RP1: variants seen among roughly 807,000 people sequenced by gnomAD.
The protein encoded by RP1 is RP1 axonemal microtubule associated.
A neutral mutation model predicts 14.8 loss-of-function variants in RP1; 16 were observed. That is an observed-to-expected ratio of 1.08 (90% confidence interval 0.73 to 1.65). The LOEUF (loss-of-function observed/expected upper bound fraction) is 1.65. Among genes scored for constraint, RP1 ranks in the 40% most tolerant of loss-of-function variants. The pLI, the probability that RP1 is intolerant of heterozygous loss-of-function variation, is 0.00. For missense variants in RP1, 2,631 were observed against 2,535.0 expected (o/e 1.04, Z -0.81); for synonymous variants, 876 against 883.6 (o/e 0.99, Z 0.15).
At chr8:54,839,817 G>A (rs144678855) in intron 25 of RP1, among the ~76,000 whole-genome samples, 116 of 152,296 alleles carry the variant, frequency 7.6e-4, no homozygotes, top group Middle Eastern at 3.4e-3. Context: ...AAGATTTGGG[G>A]TAAGTCCTGC....
chr8:54,742,721 G>C (rs563853198), intron 19 of RP1, among the ~76,000 whole-genome samples: 2 of 152,288 alleles, frequency 1.3e-5, no homozygotes, highest in African/African-American at 4.8e-5. Context: ...GAAGCTCTGT[G>C]CCTGTGAATT....
chr8:54,624,637 T>A, intron 3 of RP1, 33 bp from the exon 4 acceptor site: 4 of 1,610,338 alleles, frequency 2.5e-6, no homozygotes, highest in Non-Finnish European at 3.4e-6. Flanking sequence ...TATATTTTGA[T>A]GTGGGCACCT....
rs112564527 is a variant in RP1, at chr8:54,629,487, C to T, written c.5605C>T (p.His1869Tyr). 22 of 1,614,006 alleles carry T rather than the reference C, an allele frequency of 1.4e-5. 2 individuals carry two copies. The highest frequency in any genetic ancestry group is 1.6e-4 in the Middle Eastern group (1 of 6,084). ...AGAAAGAGTATGCACATCTGTCACT[C>T]ATTCCTTTATTTCTGCTGGTAACAA... ...QSERVCTSVT[H>Y]SFISAGNKVY... The change falls in exon 4 of 4, where the codon CAT (histidine) becomes TAT (tyrosine). Residue 1869 changes from histidine to tyrosine, a missense_variant. His to Tyr is a moderately conservative substitution (Grantham distance 83). Coordinates refer to ENST00000220676, the MANE Select transcript of RP1 (RefSeq NM_006269.2).
intron 6 of RP1, among the ~76,000 whole-genome samples, chr8:54,656,561 C>G (rs1407554709): frequency 6.6e-6 from 1 of 151,828 alleles, no homozygotes; most frequent in South Asian, 2.1e-4. Flanking sequence ...TCCCACTGGG[C>G]TCTGCCTCAT....
At chr8:54,608,628 G>A (rs992106961) in intron 1 of RP1, among the ~76,000 whole-genome samples, 2 of 152,068 alleles carry the variant, frequency 1.3e-5, no homozygotes, top group African/African-American at 4.8e-5. Context: ...AAACCACCAA[G>A]GCACACATTT....
chr8:54,726,613 A>G (rs1200547088), intron 17 of RP1: 23 of 813,152 alleles, frequency 2.8e-5, no homozygotes, highest in Admixed American at 1.6e-4. Context: ...GTAAGCTGTT[A>G]TCTTGCTTTT....
chr8:54,732,347 A>G (rs1808812630), intron 17 of RP1, among the ~76,000 whole-genome samples: 1 of 152,062 alleles, frequency 6.6e-6, no homozygotes, highest in African/African-American at 2.4e-5. Flanking sequence ...TTTGTTTTCC[A>G]TGAAGGTATT....
At position 54,625,542 on chromosome 8, in the gene RP1, A is replaced by G. The variant is rs761252743; in HGVS notation, c.1660A>G (p.Ser554Gly). 6.2e-7 allele frequency: 1 copy of G among 1,614,076 alleles called. No homozygotes were observed. The change falls in exon 4 of 4, where the codon AGT becomes GGT. Residue 554 changes from serine (S) to glycine (G), a missense_variant. Ser to Gly is a moderately conservative substitution (Grantham distance 56). Coordinates refer to ENST00000220676, the MANE Select transcript of RP1 (RefSeq NM_006269.2). ...AISAGVIEIT[S>G]QKMLEMSHNN... The stretch of plus-strand genomic sequence containing the variant: ...AAGTGCTGGTGTTATAGAAATTACA[A>G]GTCAGAAGATGTTAGAGATGTCACA...
At chr8:54,653,043 G>A (rs185004323) in intron 5 of RP1, among the ~76,000 whole-genome samples, 2 of 152,182 alleles carry the variant, frequency 1.3e-5, no homozygotes, top group East Asian at 3.9e-4. Flanking sequence ...AATTGATTGA[G>A]GGAGGCACCT....
exon 20 of RP1, chr8:54,754,844 T>C: frequency 6.5e-7 from 1 of 1,528,964 alleles, no homozygotes; most frequent in Non-Finnish European, 8.7e-7. Context: ...TCCTAGATTT[T>C]GCAGCAAACG....
chr8:54,802,209 A>C (rs959930984), intron 24 of RP1, among the ~76,000 whole-genome samples: 4 of 152,186 alleles, frequency 2.6e-5, no homozygotes, highest in African/African-American at 4.8e-5. Flanking sequence ...AGACATATTT[A>C]AGAAAGACCT....
chr8:54,573,393 T>C (rs1461246519), intron 1 of RP1, among the ~76,000 whole-genome samples: 1 of 152,190 alleles, frequency 6.6e-6, no homozygotes, highest in Non-Finnish European at 1.5e-5. Context: ...ATTGTTAGTG[T>C]TTAGTCTCAT....
intron 28 of RP1, chr8:54,865,984 C>A: frequency 3.1e-6 from 2 of 637,008 alleles, no homozygotes; most frequent in Non-Finnish European, 4.5e-6. Context: ...CCTGTGTCCT[C>A]CAGCATGCCT....
At chr8:54,848,168 C>A (rs572668383) in intron 25 of RP1, among the ~76,000 whole-genome samples, 1 of 152,280 alleles carries the variant, frequency 6.6e-6, no homozygotes, top group South Asian at 2.1e-4. Flanking sequence ...GTGCAGGCAT[C>A]CTTGGCAGTC....
At chr8:54,792,457 A>G (rs538690772) in intron 24 of RP1, among the ~76,000 whole-genome samples, 110 of 151,922 alleles carry the variant, frequency 7.2e-4, no homozygotes, top group Non-Finnish European at 1.0e-3. Context: ...ATATGTTAGG[A>G]CACAAAACAA....
At chr8:54,632,397 G>T (rs548460818), downstream of RP1, among the ~76,000 whole-genome samples, 3 of 152,208 alleles carry the variant, frequency 2.0e-5, no homozygotes, top group Non-Finnish European at 4.4e-5. Flanking sequence ...AATTAGTAAT[G>T]CATGGGACTG....
At chr8:54,772,889 G>C (rs1809944613), downstream of RP1, among the ~76,000 whole-genome samples, 1 of 152,138 alleles carries the variant, frequency 6.6e-6, no homozygotes, top group African/African-American at 2.4e-5. Context: ...TTTTAGCCTT[G>C]TTTCAGGTCC....
intron 1 of RP1, among the ~76,000 whole-genome samples, chr8:54,563,240 G>A (rs1804325714): frequency 6.6e-6 from 1 of 152,200 alleles, no homozygotes; most frequent in Non-Finnish European, 1.5e-5. Flanking sequence ...TTGGGAACAG[G>A]CTGAGAGGGA....
chr8:54,655,495 A>T (rs1806736574), intron 5 of RP1, among the ~76,000 whole-genome samples: 1 of 152,124 alleles, frequency 6.6e-6, no homozygotes, highest in African/African-American at 2.4e-5. Context: ...CTAAGGATCC[A>T]AAGGGGGAAC....
Sources: gnomAD v4.1 joint callset for allele counts (sites outside exome capture counted in the v4.1 genomes callset) on GRCh38, gnomAD v4.1.1 for gene constraint, MANE v1.5 for transcripts, NCBI Gene and HGNC (gene_info 2026-07-23, HGNC 2026-07-21) for gene names.